The following DMD variants were observed in gnomAD, a reference collection of about 807,000 sequenced individuals.
DMD encodes mutant dystrophin.
In DMD, 63 loss-of-function variants were observed where a neutral mutation model predicts 330.1. The observed-to-expected ratio is 0.19, with a 90% CI of 0.16 to 0.24. The LOEUF is 0.24. Ranked by LOEUF, DMD falls within the 10% of genes least tolerant of loss-of-function variation. The pLI, the probability that DMD is intolerant of heterozygous loss-of-function variation, is 1.00. For synonymous variants in DMD, 1,223 were observed against 959.8 expected (o/e 1.27, Z -5.07); for missense variants, 3,344 against 2,684.1 (o/e 1.25, Z -5.43).
At chrX:31,268,004 T>C (rs933916901) in intron 62 of DMD, among the ~76,000 whole-genome samples, 1 of 112,274 alleles carries the variant, frequency 8.9e-6, no homozygotes, top group African/African-American at 3.2e-5. Flanking sequence ...TCCACTCTCC[T>C]TTCCGATTGA....
chrX:32,748,074 G>T (rs1367993436), intron 7 of DMD, among the ~76,000 whole-genome samples: 2 of 110,724 alleles, frequency 1.8e-5, no homozygotes, highest in East Asian at 5.7e-4. Flanking sequence ...CAGGTGTGGT[G>T]GCTTACACCT....
At chrX:32,388,619 G>A (rs1297640452) in intron 32 of DMD, among the ~76,000 whole-genome samples, 2 of 110,091 alleles carry the variant, frequency 1.8e-5, no homozygotes, top group Non-Finnish European at 3.8e-5. Context: ...ATATGACTAC[G>A]ATGTATCTGA....
intron 1 of DMD, among the ~76,000 whole-genome samples, chrX:33,328,751 G>T (rs773142979): frequency 9.0e-6 from 1 of 111,038 alleles, no homozygotes; most frequent in African/African-American, 3.3e-5. Flanking sequence ...TACGTATCTG[G>T]CCTTACTACT....
intron 44 of DMD, among the ~76,000 whole-genome samples, chrX:32,034,498 T>C (rs1172060693): frequency 1.8e-5 from 2 of 111,858 alleles, no homozygotes; most frequent in Non-Finnish European, 3.8e-5. Flanking sequence ...TTAGCTAAAA[T>C]GTATCATTTT....
At chrX:32,032,729 A>C (rs2095895506) in intron 44 of DMD, among the ~76,000 whole-genome samples, 1 of 112,220 alleles carries the variant, frequency 8.9e-6, no homozygotes, top group African/African-American at 3.2e-5. Flanking sequence ...CCAAGCCAAC[A>C]TGCTCACTAG....
chrX:31,961,742 T>TTTTTTTTTTTG (rs1557033706), intron 45 of DMD, among the ~76,000 whole-genome samples: 2 of 90,413 alleles, frequency 2.2e-5, no homozygotes, highest in Non-Finnish European at 4.1e-5. Flanking sequence ...AGGAAGCGGT[T>TTTTTTTTTTTG]TTTTTTTTTT....
intron 54 of DMD, among the ~76,000 whole-genome samples, chrX:31,652,894 G>C (rs1012449726): frequency 6.3e-5 from 7 of 110,967 alleles, no homozygotes; most frequent in African/African-American, 2.3e-4. Flanking sequence ...AGCAAGTACA[G>C]CTGGATAGAA....
At chrX:33,178,844 G>A (rs1014019462) in intron 1 of DMD, among the ~76,000 whole-genome samples, 1 of 111,647 alleles carries the variant, frequency 9.0e-6, no homozygotes, top group Admixed American at 9.5e-5. Context: ...GTCTTTTTGA[G>A]TATAAGGTAT....
chrX:33,307,763 G>A (rs1344671846), intron 1 of DMD, among the ~76,000 whole-genome samples: 1 of 111,481 alleles, frequency 9.0e-6, no homozygotes, highest in Non-Finnish European at 1.9e-5. Context: ...GTGAGATACA[G>A]CAGGCAGCAC....
chrX:31,334,831 T>G (rs1164595908), intron 61 of DMD, among the ~76,000 whole-genome samples: 2 of 112,089 alleles, frequency 1.8e-5, no homozygotes, highest in Admixed American at 1.9e-4. Context: ...ATTCACCATC[T>G]TTCTTCCTTG....
intron 34 of DMD, 58 bp from the exon 35 acceptor site, chrX:32,365,257 C>A (rs1312160719): frequency 1.8e-6 from 2 of 1,121,316 alleles, no homozygotes; most frequent in East Asian, 6.0e-5. Context: ...AGATTTAATG[C>A]TTATGAAACG....
At chrX:31,129,968 G>C (rs999944648) in intron 77 of DMD, among the ~76,000 whole-genome samples, 1 of 111,782 alleles carries the variant, frequency 8.9e-6, no homozygotes, top group Non-Finnish European at 1.9e-5. Context: ...GAAAAAAAGA[G>C]GATGGCATGG....
chrX:31,895,712 T>G (rs1179791953), intron 47 of DMD, among the ~76,000 whole-genome samples: 1 of 111,851 alleles, frequency 8.9e-6, no homozygotes, highest in Non-Finnish European at 1.9e-5. Flanking sequence ...TGAACAGAGC[T>G]CATTCTGCTT....
intron 1 of DMD, among the ~76,000 whole-genome samples, chrX:33,162,371 C>T (rs1180859180): frequency 1.8e-5 from 2 of 111,568 alleles, no homozygotes. Context: ...AAAGTAGGGC[C>T]AAAGCATGAA....
intron 62 of DMD, among the ~76,000 whole-genome samples, chrX:31,286,392 A>G (rs1425383575): frequency 8.9e-6 from 1 of 112,561 alleles, no homozygotes; most frequent in Non-Finnish European, 1.9e-5. Flanking sequence ...ATATATATGC[A>G]CACTTGGGAA....
At chrX:33,314,656 G>A (rs1339580454) in intron 1 of DMD, among the ~76,000 whole-genome samples, 1 of 103,729 alleles carries the variant, frequency 9.6e-6, no homozygotes, top group African/African-American at 3.6e-5. Flanking sequence ...AGACTCTAGG[G>A]GAGAATCCAT....
At chrX:32,887,310 G>A (rs986077711) in intron 2 of DMD, among the ~76,000 whole-genome samples, 7 of 109,588 alleles carry the variant, frequency 6.4e-5, no homozygotes, top group South Asian at 3.9e-4. Context: ...TCCCATCACT[G>A]CACTCCAGCC....
intron 1 of DMD, among the ~76,000 whole-genome samples, chrX:33,330,903 TAGC>T (rs2054163044): frequency 8.9e-6 from 1 of 111,979 alleles, no homozygotes; most frequent in Non-Finnish European, 1.9e-5. Context: ...CGGAAACCTC[TAGC>T]TCAGTCCTAA....
At chrX:32,694,438 G>A (rs1395895413) in intron 9 of DMD, among the ~76,000 whole-genome samples, 1 of 111,401 alleles carries the variant, frequency 9.0e-6, no homozygotes, top group Non-Finnish European at 1.9e-5. Flanking sequence ...ATCTTGGTTT[G>A]TGGCAACTCT....
Sources: allele counts gnomAD v4.1 joint callset (sites outside exome capture counted in the v4.1 genomes callset), GRCh38; gene constraint gnomAD v4.1.1; transcripts MANE v1.5; gene names NCBI Gene and HGNC (gene_info 2026-07-23, HGNC 2026-07-21).